KHDRBS2: variants seen among roughly 807,000 people sequenced by gnomAD.
KHDRBS2 encodes the protein KH domain-containing, RNA-binding, signal transduction-associated protein 2.
Under a neutral mutation model 44.3 loss-of-function variants are expected in KHDRBS2, and 26 were observed. The ratio of observed to expected loss-of-function variants is 0.59; its 90% CI spans 0.43 to 0.81. The LOEUF is 0.81. Among genes scored for constraint, KHDRBS2 ranks in the 40% least tolerant of loss-of-function variants. The probability of loss-of-function intolerance (pLI) is 0.00; values close to 1 mark genes in which losing one functional copy is unlikely to be tolerated. For missense variants in KHDRBS2, 476 were observed against 433.1 expected (o/e 1.10, Z -0.88); for synonymous variants, 194 against 151.1 (o/e 1.28, Z -2.08).
intron 4 of KHDRBS2, among the ~76,000 whole-genome samples, chr6:61,919,629 C>T (rs1422977623): frequency 6.6e-6 from 1 of 151,718 alleles, no homozygotes; most frequent in African/African-American, 2.4e-5. Flanking sequence ...TTAGTGTCTT[C>T]CTTCTAACAG....
chr6:62,186,069 T>G (rs1823353868), intron 1 of KHDRBS2, among the ~76,000 whole-genome samples: 1 of 152,054 alleles, frequency 6.6e-6, no homozygotes, highest in African/African-American at 2.4e-5. Context: ...AATGCAGGCT[T>G]CTGGATACAG....
chr6:61,843,615 T>C (rs1793935243), intron 6 of KHDRBS2, among the ~76,000 whole-genome samples: 1 of 152,052 alleles, frequency 6.6e-6, no homozygotes, highest in Non-Finnish European at 1.5e-5. Context: ...TCCACCCACC[T>C]CAGCCTCCCA....
intron 3 of KHDRBS2, among the ~76,000 whole-genome samples, chr6:62,043,595 T>C (rs1448132270): frequency 6.6e-6 from 1 of 152,062 alleles, no homozygotes; most frequent in East Asian, 1.9e-4. Flanking sequence ...TATGGTAGGA[T>C]TTTGCTACTG....
chr6:61,658,864 T>C, the KHDRBS2 span, among the ~76,000 whole-genome samples: 1 of 108,068 alleles, frequency 9.3e-6, no homozygotes, highest in East Asian at 2.5e-4. Flanking sequence ...ATACAGAACT[T>C]ACTCTGCACT....
chr6:62,105,594 G>A (rs1391758466), intron 2 of KHDRBS2, among the ~76,000 whole-genome samples: 2 of 152,160 alleles, frequency 1.3e-5, no homozygotes, highest in African/African-American at 4.8e-5. Flanking sequence ...TGTGATGGTA[G>A]TTTGTATTTC....
chr6:61,605,928 G>A, the KHDRBS2 span, among the ~76,000 whole-genome samples: 21 of 152,136 alleles, frequency 1.4e-4, no homozygotes, highest in Non-Finnish European at 2.9e-4. Context: ...AAGTGAAAGT[G>A]GCCTGTTCCT....
At chr6:61,577,432 T>A in the KHDRBS2 span, among the ~76,000 whole-genome samples, 24 of 152,278 alleles carry the variant, frequency 1.6e-4, no homozygotes, top group African/African-American at 5.8e-4. Context: ...GTCAGAGACA[T>A]TCACAATGCT....
chr6:62,278,076 G>C lies in KHDRBS2; in HGVS notation c.91+7782C>G, dbSNP rs77364508. On this transcript the variant is annotated intron_variant, in intron 1 of 8. Transcript: ENST00000281156. ...ATTTCCAAATTCAGTTTATTTTATT[G>C]GAATTCAGCAGTTTGTGGGGAATAG... is the stretch of plus-strand genomic sequence containing the variant. 8.6e-3 allele frequency among the ~76,000 whole-genome samples: 1,313 copies of C among 152,168 alleles called. 17 individuals are homozygous for C. Among genetic ancestry groups the C allele is most frequent in the African/African-American group, 0.029 (1,222 of 41,508 alleles).
At chr6:61,966,560 G>A (rs1229120306) in intron 4 of KHDRBS2, among the ~76,000 whole-genome samples, 3 of 151,912 alleles carry the variant, frequency 2.0e-5, no homozygotes, top group Non-Finnish European at 4.4e-5. Context: ...TGATCTCTAA[G>A]TGATCAGTGA....
chr6:62,262,379 A>G (rs1260483494), intron 1 of KHDRBS2, among the ~76,000 whole-genome samples: 5 of 151,728 alleles, frequency 3.3e-5, no homozygotes, highest in Non-Finnish European at 7.4e-5. Flanking sequence ...TTTGTATATA[A>G]CCAGGTGAAA....
chr6:61,852,533 C>T lies in KHDRBS2; in HGVS notation c.810+42102G>A, dbSNP rs1283587225. Among the ~76,000 whole-genome samples the T allele has an allele frequency of 2.0e-5, 3 of 149,168 alleles. No homozygotes were observed. In the Admixed American group the frequency reaches 2.0e-4, roughly 10 times the overall value. ...GAGACGAGATCGCACCACTGCACTCCAGCCTGGTGACAGAGCGAGACTCCG... is the reference window on the plus strand; with the variant it reads ...GAGACGAGATCGCACCACTGCACTCTAGCCTGGTGACAGAGCGAGACTCCG... On this transcript the variant is annotated intron_variant, in intron 6 of 8. Transcript: ENST00000281156.
intron 6 of KHDRBS2, among the ~76,000 whole-genome samples, chr6:61,797,627 T>C (rs1222665928): frequency 1.3e-5 from 2 of 152,016 alleles, no homozygotes; most frequent in Non-Finnish European, 2.9e-5. Flanking sequence ...CCACTGGTTA[T>C]ACCCCACATG....
Position 61,680,851 on chromosome 6 carries a change from A to G in KHDRBS2, c.*112T>C. On this transcript the variant is annotated 3_prime_UTR_variant, in exon 9 of 9. Transcript: ENST00000281156. ...GGAGTAATCATGAGCAGTTATCCCT[A>G]GAATAGAAACAAACAAACAAAAAAA... 3 of 651,782 alleles carry G rather than the reference A, an allele frequency of 4.6e-6. No homozygotes were observed. The highest frequency in any genetic ancestry group is 8.2e-6 in the Non-Finnish European group (3 of 366,770). 40.4% of individuals were successfully genotyped at this position (651,782 alleles called of 1,614,324 possible).
chr6:62,013,994 CGA>C (rs778363200), intron 3 of KHDRBS2, among the ~76,000 whole-genome samples: 4 of 152,234 alleles, frequency 2.6e-5, no homozygotes, highest in Admixed American at 1.3e-4. Flanking sequence ...TTATGTGTGA[CGA>C]GAGTGTCACT....
At chr6:61,993,283 A>C (rs760164529) in intron 3 of KHDRBS2, among the ~76,000 whole-genome samples, 4 of 152,064 alleles carry the variant, frequency 2.6e-5, no homozygotes, top group Admixed American at 1.3e-4. Flanking sequence ...TGTTTTCTTC[A>C]TAGTATCACC....
intron 3 of KHDRBS2, among the ~76,000 whole-genome samples, chr6:61,978,478 A>G (rs1255718958): frequency 6.6e-6 from 1 of 152,000 alleles, no homozygotes. Flanking sequence ...AAAATGCTAA[A>G]CCCCTGAAAA....
At chr6:61,828,834 C>T (rs535573) in intron 6 of KHDRBS2, among the ~76,000 whole-genome samples, 12 of 151,146 alleles carry the variant, frequency 7.9e-5, no homozygotes, top group African/African-American at 2.2e-4. Flanking sequence ...TTTCATTTGT[C>T]TTTTATTTAT....
At chr6:62,066,693 T>C (rs1254624411) in intron 2 of KHDRBS2, among the ~76,000 whole-genome samples, 3 of 151,672 alleles carry the variant, frequency 2.0e-5, no homozygotes, top group Non-Finnish European at 4.4e-5. Flanking sequence ...GAGGGGCTTA[T>C]TGAGCATACA....
intron 1 of KHDRBS2, among the ~76,000 whole-genome samples, chr6:62,269,434 A>G (rs193066524): frequency 1.1e-4 from 16 of 152,200 alleles, no homozygotes; most frequent in African/African-American, 3.9e-4. Flanking sequence ...CTAGGCACTC[A>G]TTTCAAATAA....
Sources: gnomAD v4.1 joint callset for allele counts (sites outside exome capture counted in the v4.1 genomes callset) on GRCh38, gnomAD v4.1.1 for gene constraint, MANE v1.5 for transcripts, NCBI Gene and HGNC (gene_info 2026-07-23, HGNC 2026-07-21) for gene names.